RPRD2: variants seen among roughly 807,000 people sequenced by gnomAD.
RPRD2 encodes the protein regulation of nuclear pre-mRNA domain containing 2, also known as regulation of nuclear pre-mRNA domain-containing protein 2.
A neutral mutation model predicts 104.4 loss-of-function variants in RPRD2; 12 were observed. That is an observed-to-expected ratio of 0.11 (90% CI 0.07 to 0.19). The LOEUF (loss-of-function observed/expected upper bound fraction) is 0.19. Among genes scored for constraint, RPRD2 ranks in the 10% least tolerant of loss-of-function variants. RPRD2 has a pLI of 1.00. For synonymous variants in RPRD2, 714 were observed against 684.9 expected, an observed-to-expected ratio of 1.04 and a Z score of -0.66; for missense variants, 1,543 against 1,790.1, an observed-to-expected ratio of 0.86 and a Z score of 2.49.
At chr1:150,389,584 GT>G (rs1333993297) in intron 1 of RPRD2, among the ~76,000 whole-genome samples, 1 of 152,072 alleles carries the variant, frequency 6.6e-6, no homozygotes, top group East Asian at 1.9e-4. Context: ...GGCTGAGATA[GT>G]TTTTTTCAGA....
At chr1:150,433,671 G>C (rs1039784927) in intron 2 of RPRD2, among the ~76,000 whole-genome samples, 30 of 148,098 alleles carry the variant, frequency 2.0e-4, no homozygotes, top group Non-Finnish European at 3.0e-4. Context: ...GTCTCAATCT[G>C]CAGACCTCGT....
At chr1:150,372,752 G>C (rs587768365) in intron 1 of RPRD2, among the ~76,000 whole-genome samples, 1 of 152,256 alleles carries the variant, frequency 6.6e-6, no homozygotes, top group Non-Finnish European at 1.5e-5. Flanking sequence ...AGGTGGGCAT[G>C]TTCAAGACTA....
chr1:150,407,918 G>T (rs911729259), intron 1 of RPRD2, among the ~76,000 whole-genome samples: 3 of 151,620 alleles, frequency 2.0e-5, no homozygotes, highest in Admixed American at 2.0e-4. Context: ...GGGTTTTTTT[G>T]TGTGTGTGGA....
chr1:150,374,102 G>A (rs915037613), intron 1 of RPRD2, among the ~76,000 whole-genome samples: 1 of 152,198 alleles, frequency 6.6e-6, no homozygotes, highest in Non-Finnish European at 1.5e-5. Flanking sequence ...AGGACTAGAG[G>A]TTGTGACTTT....
Position 150,474,359 on chromosome 1 carries a change from A to G in RPRD2, c.*1025A>G, listed in dbSNP as rs1301986327. On this transcript the variant is annotated 3_prime_UTR_variant, in exon 11 of 11. Transcript: ENST00000369068. ...ATTAAAGAAAGAAATATTTGTCTTT[A>G]TCTTCCTTTTCCCCTTGCCTCAGTC... The G allele has an allele frequency of 1.3e-5, 2 of 152,178 alleles. No individual in the cohort carries two copies. Among genetic ancestry groups the G allele is most frequent in the African/African-American group, 4.8e-5 (2 of 41,456 alleles). The allele number at this position is 152,178 out of a possible 1,614,324, so 9.4% of individuals were successfully genotyped here.
At position 150,472,960 on chromosome 1, in the gene RPRD2, G is replaced by A; in HGVS notation, c.4012G>A (p.Glu1338Lys). 1 of 1,613,890 alleles carries A rather than the reference G, an allele frequency of 6.2e-7. No individual in the cohort carries two copies. Among genetic ancestry groups the A allele is most frequent in the Non-Finnish European group, 8.5e-7 (1 of 1,179,814 alleles). The change falls in exon 11 of 11, where the codon GAG becomes AAG. Residue 1338 changes from glutamate (E) to lysine (K), a missense_variant. Glu to Lys is a moderately conservative substitution (Grantham distance 56). This residue lies in a region of RPRD2 where 880 missense variants were observed against 885.6 expected (regional missense o/e 0.99). Coordinates refer to ENST00000369068, the MANE Select transcript of RPRD2 (RefSeq NM_015203.5). ...HSSLLQGTLAEHFGVLPGPRD... is the reference protein window; with the variant it reads ...HSSLLQGTLAKHFGVLPGPRD... Reference sequence around the variant, plus strand: ...TTCCCTCCTTCAAGGGACCCTGGCTGAGCATTTTGGGGTACTCCCAGGACC... The same window carrying A: ...TTCCCTCCTTCAAGGGACCCTGGCTAAGCATTTTGGGGTACTCCCAGGACC...
At chr1:150,430,606 A>G (rs150073423) in intron 2 of RPRD2, among the ~76,000 whole-genome samples, 20 of 152,100 alleles carry the variant, frequency 1.3e-4, no homozygotes, top group African/African-American at 4.8e-4. Flanking sequence ...ATTCTGTACA[A>G]AAGGAGAGAA....
In RPRD2 at chr1:150,419,006, C is replaced by T. The variant is rs781785249; in HGVS notation, c.335+1281C>T. Among the ~76,000 whole-genome samples the T allele has an allele frequency of 1.2e-4, 18 of 152,036 alleles. 1 individual carries two copies. The highest frequency in any genetic ancestry group is 2.7e-4 in the African/African-American group (11 of 41,396). Reference sequence around the variant, plus strand: ...CAGCCTGGGCGACAGAGTGAAACTCCGTCTCAAAACAAAACAAAACAAAAC... The same window carrying T: ...CAGCCTGGGCGACAGAGTGAAACTCTGTCTCAAAACAAAACAAAACAAAAC... On this transcript the variant is annotated intron_variant, in intron 2 of 10. Transcript: ENST00000369068.
At chr1:150,407,057 T>C (rs1050073088) in intron 1 of RPRD2, among the ~76,000 whole-genome samples, 13 of 152,226 alleles carry the variant, frequency 8.5e-5, no homozygotes, top group Admixed American at 2.6e-4. Context: ...CCTCTAGTAA[T>C]GTACATCTCT....
chr1:150,427,243 C>T (rs1003217235), intron 2 of RPRD2, among the ~76,000 whole-genome samples: 1 of 152,176 alleles, frequency 6.6e-6, no homozygotes, highest in East Asian at 1.9e-4. Context: ...GAGACCGAGG[C>T]GGGTGGATCA....
In RPRD2 at chr1:150,394,373, A is replaced by G. The variant is rs137970947; in HGVS notation, c.206-23223A>G. Among the ~76,000 whole-genome samples the G allele has an allele frequency of 3.3e-5, 5 of 151,968 alleles. No homozygotes were observed. The East Asian group carries it at 9.7e-4, about 30-fold the overall frequency. ...CCTGAATTAAGTTTTTTTAAGATAT[A>G]ATGCTGCTATGATTGTATGAGAGAA... On this transcript the variant is annotated intron_variant, in intron 1 of 10. Transcript: ENST00000369068.
chr1:150,366,947 T>C (rs587699998), intron 1 of RPRD2, among the ~76,000 whole-genome samples: 7 of 152,368 alleles, frequency 4.6e-5, no homozygotes, highest in Non-Finnish European at 8.8e-5. Context: ...TACAGTTTTT[T>C]TTCTAGTCAG....
chr1:150,409,999 A>G (rs1350644646), intron 1 of RPRD2, among the ~76,000 whole-genome samples: 4 of 152,162 alleles, frequency 2.6e-5, no homozygotes, highest in African/African-American at 9.7e-5. Context: ...AGAAAGGAAC[A>G]TTTGAGCAAG....
chr1:150,391,729 G>A (rs1254842936), intron 1 of RPRD2, among the ~76,000 whole-genome samples: 1 of 152,092 alleles, frequency 6.6e-6, no homozygotes, highest in East Asian at 1.9e-4. Context: ...CCAACATGGC[G>A]AAACACTGTC....
At chr1:150,370,576 T>TTC (rs1660227126) in intron 1 of RPRD2, among the ~76,000 whole-genome samples, 1 of 147,020 alleles carries the variant, frequency 6.8e-6, no homozygotes, top group Non-Finnish European at 1.5e-5. Context: ...TTTTGTCTTT[T>TTC]TTTTTTTTTT....
At chr1:150,461,936 C>T (rs782358077) in intron 9 of RPRD2, among the ~76,000 whole-genome samples, 5 of 150,816 alleles carry the variant, frequency 3.3e-5, no homozygotes, top group East Asian at 2.0e-4. Context: ...GCCAGGATCG[C>T]GCCACTGCAC....
Position 150,364,662 on chromosome 1 carries a change from C to A in RPRD2, c.-53C>A, listed in dbSNP as rs1165115090. 1 of 1,021,578 alleles carries A rather than the reference C, an allele frequency of 9.8e-7. No homozygotes were observed. The highest frequency in any genetic ancestry group is 1.4e-6 in the Non-Finnish European group (1 of 697,624). 63.3% of individuals were successfully genotyped at this position (1,021,578 alleles called of 1,614,324 possible). A position where few individuals can be genotyped will look rare whatever the true frequency, so the allele number is the denominator to read the frequency against. On this transcript the variant is annotated 5_prime_UTR_variant, in exon 1 of 11. Transcript: ENST00000369068. Reference sequence around the variant, plus strand: ...GTGATTGTTTTGCCCGCTCCCGCCGCCGCCGCCGCCGCCGCCGCCAGAGGA... The same window carrying A: ...GTGATTGTTTTGCCCGCTCCCGCCGACGCCGCCGCCGCCGCCGCCAGAGGA...
intron 9 of RPRD2, 116 bp downstream of exon 9, chr1:150,460,433 T>C: frequency 9.4e-7 from 1 of 1,069,126 alleles, no homozygotes; most frequent in Non-Finnish European, 1.3e-6. Flanking sequence ...AGACAGAGTT[T>C]CGCTCTGTCT....
intron 1 of RPRD2, among the ~76,000 whole-genome samples, chr1:150,389,430 T>G (rs1356811792): frequency 1.3e-5 from 2 of 152,172 alleles, no homozygotes; most frequent in African/African-American, 2.4e-5. Context: ...TTTTTGTGGT[T>G]GTTTTTTGTT....
Sources: gnomAD v4.1 joint callset for allele counts (sites outside exome capture counted in the v4.1 genomes callset) on GRCh38, gnomAD v4.1.1 for gene constraint, gnomAD v4.1.1 regional missense constraint, MANE v1.5 for transcripts, NCBI Gene and HGNC (gene_info 2026-07-23, HGNC 2026-07-21) for gene names.